UBE2E2: variants seen among roughly 807,000 people sequenced by gnomAD.
UBE2E2 encodes the protein ubiquitin conjugating enzyme E2 E2.
In UBE2E2, 6 loss-of-function variants were observed where a neutral mutation model predicts 24.7. The ratio of observed to expected loss-of-function variants is 0.24; its 90% CI spans 0.13 to 0.48. The LOEUF (loss-of-function observed/expected upper bound fraction) is 0.48. UBE2E2 is among the 20% of genes least tolerant of loss of function. The pLI is 0.99. For synonymous variants in UBE2E2, 104 were observed against 83.6 expected (o/e 1.24, Z -1.33); for missense variants, 169 against 245.0 (o/e 0.69, Z 2.07).
intron 3 of UBE2E2, among the ~76,000 whole-genome samples, chr3:23,348,356 A>G (rs1292316639): frequency 6.6e-6 from 1 of 151,936 alleles, no homozygotes; most frequent in Non-Finnish European, 1.5e-5. Flanking sequence ...TCAAAAAAAA[A>G]AAAAAAAAGA....
chr3:23,560,282 G>A (rs1695892679), intron 5 of UBE2E2, among the ~76,000 whole-genome samples: 1 of 136,164 alleles, frequency 7.3e-6, no homozygotes. Flanking sequence ...TGTTCTCGTT[G>A]TTCAATTCCC....
At chr3:23,259,573 TA>T (rs35443771) in intron 3 of UBE2E2, among the ~76,000 whole-genome samples, 75 of 147,900 alleles carry the variant, frequency 5.1e-4, no homozygotes, top group Middle Eastern at 3.4e-3. Context: ...CCTGGAACTT[TA>T]AAAAAAAAAA....
rs1009765430 is a variant in UBE2E2, at chr3:23,463,218, G to A, written c.228-36390G>A. Among the ~76,000 whole-genome samples the A allele has an allele frequency of 5.3e-5, 8 of 151,776 alleles. No homozygotes were observed. The East Asian group carries it at 1.5e-3, about 29-fold the overall frequency. On this transcript the variant is annotated intron_variant, in intron 3 of 5. Transcript: ENST00000396703. ...TTCTTTCAGAGTATACTCTAGTAAG[G>A]GTGTTAAAAGAAAAAAAAAGATGAT...
At chr3:23,564,913 G>A (rs55732421) in intron 5 of UBE2E2, among the ~76,000 whole-genome samples, 40,216 of 152,048 alleles carry the variant, frequency 0.26, 5,898 homozygotes, top group African/African-American at 0.38. Flanking sequence ...ACTTACATGA[G>A]AAGTAATAAT....
intron 1 of UBE2E2, among the ~76,000 whole-genome samples, chr3:23,207,131 G>T (rs1049519479): frequency 6.6e-6 from 1 of 152,098 alleles, no homozygotes; most frequent in Non-Finnish European, 1.5e-5. Flanking sequence ...TTAGAGTCTG[G>T]GCATGAGTTT....
At chr3:23,363,287 C>T (rs1321644301) in intron 3 of UBE2E2, among the ~76,000 whole-genome samples, 1 of 152,182 alleles carries the variant, frequency 6.6e-6, no homozygotes, top group Non-Finnish European at 1.5e-5. Context: ...TGAAATCAGA[C>T]CTGCATATAC....
At chr3:23,305,857 A>C (rs1575548510) in intron 3 of UBE2E2, among the ~76,000 whole-genome samples, 1 of 152,134 alleles carries the variant, frequency 6.6e-6, no homozygotes, top group East Asian at 1.9e-4. Flanking sequence ...AGCTTCCCAA[A>C]GTGCTGAGAT....
chr3:23,441,011 A>C (rs1332933128), intron 3 of UBE2E2, among the ~76,000 whole-genome samples: 2 of 152,160 alleles, frequency 1.3e-5, no homozygotes, highest in Non-Finnish European at 2.9e-5. Flanking sequence ...TGCCACTGAC[A>C]TTTTAGTTAG....
intron 3 of UBE2E2, among the ~76,000 whole-genome samples, chr3:23,441,047 T>G (rs543580404): frequency 1.3e-5 from 2 of 152,310 alleles, no homozygotes; most frequent in South Asian, 4.1e-4. Flanking sequence ...ATGGGCTGTT[T>G]GGATACTGAG....
At chr3:23,301,837 C>G (rs1414397062) in intron 3 of UBE2E2, among the ~76,000 whole-genome samples, 1 of 141,116 alleles carries the variant, frequency 7.1e-6, no homozygotes, top group Non-Finnish European at 1.5e-5. Flanking sequence ...AATCACCAGT[C>G]TTCTGCGTGG....
chr3:23,330,241 C>T (rs4858501), intron 3 of UBE2E2, among the ~76,000 whole-genome samples: 46,427 of 151,944 alleles, frequency 0.31, 8,009 homozygotes, highest in Admixed American at 0.49. Context: ...AACTTAGTAC[C>T]CTCTTTTCAC....
At chr3:23,467,168 CTG>C (rs552261345) in intron 3 of UBE2E2, among the ~76,000 whole-genome samples, 45 of 152,280 alleles carry the variant, frequency 3.0e-4, no homozygotes, top group Middle Eastern at 3.4e-3. Context: ...TTCAAAGTAA[CTG>C]TTTATCAGGT....
At chr3:23,317,083 G>A (rs1694602240) in intron 3 of UBE2E2, among the ~76,000 whole-genome samples, 1 of 152,148 alleles carries the variant, frequency 6.6e-6, no homozygotes, top group Admixed American at 6.5e-5. Flanking sequence ...GGTAAGCATG[G>A]TGCATACGCT....
At chr3:23,365,556 A>T (rs1696229265) in intron 3 of UBE2E2, among the ~76,000 whole-genome samples, 1 of 152,160 alleles carries the variant, frequency 6.6e-6, no homozygotes, top group African/African-American at 2.4e-5. Flanking sequence ...ATTGCAGCTA[A>T]TCTGGGAGGT....
chr3:23,302,864 C>A (rs571183745), intron 3 of UBE2E2, among the ~76,000 whole-genome samples: 1 of 152,180 alleles, frequency 6.6e-6, no homozygotes, highest in Non-Finnish European at 1.5e-5. Context: ...GATCCCTGTT[C>A]TAGAGTAGTA....
At chr3:23,511,772 G>C (rs1370598611) in intron 4 of UBE2E2, among the ~76,000 whole-genome samples, 3 of 152,240 alleles carry the variant, frequency 2.0e-5, no homozygotes, top group South Asian at 2.1e-4. Flanking sequence ...ATTATTGCTG[G>C]AAAGCTTATA....
intron 3 of UBE2E2, among the ~76,000 whole-genome samples, chr3:23,275,774 T>A (rs1174493761): frequency 6.6e-6 from 1 of 151,982 alleles, no homozygotes; most frequent in African/African-American, 2.4e-5. Flanking sequence ...AAAGAATGAT[T>A]AGAAACTTAG....
intron 3 of UBE2E2, among the ~76,000 whole-genome samples, chr3:23,372,739 T>G (rs898196762): frequency 1.1e-4 from 17 of 152,218 alleles, no homozygotes; most frequent in African/African-American, 3.9e-4. Flanking sequence ...CTACTCATGC[T>G]GTTATTTTTC....
At chr3:23,555,154 TGA>T (rs1695748036) in intron 5 of UBE2E2, among the ~76,000 whole-genome samples, 1 of 152,142 alleles carries the variant, frequency 6.6e-6, no homozygotes, top group Non-Finnish European at 1.5e-5. Context: ...CGACCTCATG[TGA>T]TCCACCCGCC....
Sources: allele counts gnomAD v4.1 joint callset (sites outside exome capture counted in the v4.1 genomes callset), GRCh38; gene constraint gnomAD v4.1.1; transcripts MANE v1.5; gene names NCBI Gene and HGNC (gene_info 2026-07-23, HGNC 2026-07-21).